The following GNA12 variants were observed in gnomAD, a reference collection of about 807,000 sequenced individuals.
The protein encoded by GNA12 is guanine nucleotide-binding protein subunit alpha-12.
In GNA12, 9 loss-of-function variants were observed where a neutral mutation model predicts 26.0. The ratio of observed to expected loss-of-function variants is 0.35; its 90% CI spans 0.21 to 0.60. GNA12 has a LOEUF of 0.60. Ranked by LOEUF, GNA12 falls within the 20% of genes least tolerant of loss-of-function variation. GNA12 has a pLI of 0.78. For missense variants in GNA12, 405 were observed against 525.8 expected, an observed-to-expected ratio of 0.77 and a Z score of 2.25; for synonymous variants, 264 against 219.6, an observed-to-expected ratio of 1.20 and a Z score of -1.79.
chr7:2,786,331 A>G (rs1013624887), intron 2 of GNA12, among the ~76,000 whole-genome samples: 6 of 152,216 alleles, frequency 3.9e-5, no homozygotes, highest in African/African-American at 1.4e-4. Flanking sequence ...TGAAAAAAAG[A>G]AAAGGGAGTT....
chr7:2,806,357 G>A (rs1249662306), intron 1 of GNA12, among the ~76,000 whole-genome samples: 1 of 150,910 alleles, frequency 6.6e-6, no homozygotes, highest in Non-Finnish European at 1.5e-5. Flanking sequence ...CATGGTGGCA[G>A]GTGCCTGTAA....
intron 1 of GNA12, among the ~76,000 whole-genome samples, chr7:2,833,295 C>T (rs1778736400): frequency 6.6e-6 from 1 of 152,210 alleles, no homozygotes; most frequent in South Asian, 2.1e-4. Context: ...GAACATCACC[C>T]TATAATTACA....
intron 1 of GNA12, among the ~76,000 whole-genome samples, chr7:2,829,411 C>T (rs1032336190): frequency 9.9e-5 from 15 of 152,188 alleles, no homozygotes; most frequent in Admixed American, 7.9e-4. Context: ...GCCATGGGGA[C>T]GCTGACAGTG....
At chr7:2,745,989 A>G (rs185669715) in intron 2 of GNA12, among the ~76,000 whole-genome samples, 9 of 152,350 alleles carry the variant, frequency 5.9e-5, no homozygotes, top group Non-Finnish European at 1.2e-4. Context: ...ATATATATGC[A>G]AACAATACAG....
intron 2 of GNA12, among the ~76,000 whole-genome samples, chr7:2,733,939 A>G (rs1790030697): frequency 6.6e-6 from 1 of 152,254 alleles, no homozygotes; most frequent in Non-Finnish European, 1.5e-5. Context: ...ATTGTCCTTA[A>G]AGACAAAACA....
At chr7:2,814,745 G>A (rs974864898) in intron 1 of GNA12, 33 of 796,590 alleles carry the variant, frequency 4.1e-5, no homozygotes, top group Non-Finnish European at 6.4e-5. Flanking sequence ...GCCTTCCACA[G>A]AAGTTTATCA....
At chr7:2,744,091 G>A (rs1790646227) in intron 2 of GNA12, among the ~76,000 whole-genome samples, 2 of 152,220 alleles carry the variant, frequency 1.3e-5, no homozygotes, top group Admixed American at 1.3e-4. Flanking sequence ...CCCCCTCTGG[G>A]GGCAGGGCAC....
intron 2 of GNA12, among the ~76,000 whole-genome samples, chr7:2,759,289 C>G (rs189533675): frequency 3.4e-4 from 52 of 152,242 alleles, no homozygotes; most frequent in African/African-American, 1.3e-3. Flanking sequence ...AGTTAAAACA[C>G]AGGCAAAAGG....
chr7:2,782,920 A>G (rs1159528146), intron 2 of GNA12, among the ~76,000 whole-genome samples: 1 of 152,066 alleles, frequency 6.6e-6, no homozygotes, highest in Non-Finnish European at 1.5e-5. Context: ...TAACATAGCC[A>G]TTGAGTTTTT....
At chr7:2,764,492 C>G (rs1029111981) in intron 2 of GNA12, 1 of 152,152 alleles carries the variant, frequency 6.6e-6, no homozygotes, top group African/African-American at 2.4e-5. Flanking sequence ...CTGAGACGCC[C>G]CAGTTGCCCA....
In GNA12 at chr7:2,731,587, G is replaced by C; in HGVS notation, c.740C>G (p.Ser247Cys). ...GCTGGAGGAGACCATGAACAGGATGGACGTGATCCCGTCGAAGCACTGGAA... is the reference window on the plus strand; with the variant it reads ...GCTGGAGGAGACCATGAACAGGATGCACGTGATCCCGTCGAAGCACTGGAA... ...KWFQCFDGIT[S>C]ILFMVSSSEY... is the part of the protein sequence containing the mutation. The change falls in exon 4 of 4, where the codon TCC (serine) becomes TGC (cysteine). Residue 247 changes from serine to cysteine, a missense_variant. Ser to Cys is a moderately radical substitution (Grantham distance 112). Transcript: ENST00000275364. The surrounding 1 kb of genome is among the most constrained non-coding windows in gnomAD (Gnocchi z 6.0). 2 of 1,613,756 alleles carry C rather than the reference G, an allele frequency of 1.2e-6. No individual in the cohort carries two copies. Among genetic ancestry groups the C allele is most frequent in the Non-Finnish European group, 1.7e-6 (2 of 1,179,826 alleles).
At chr7:2,798,014 C>CA (rs1156581320) in intron 1 of GNA12, among the ~76,000 whole-genome samples, 4 of 152,060 alleles carry the variant, frequency 2.6e-5, no homozygotes, top group Admixed American at 6.6e-5. Flanking sequence ...AGAACACTGA[C>CA]AAAAAAACAT....
At chr7:2,737,695 C>T (rs1790278496) in intron 2 of GNA12, among the ~76,000 whole-genome samples, 1 of 152,096 alleles carries the variant, frequency 6.6e-6, no homozygotes, top group South Asian at 2.1e-4. Context: ...CTAGAGGATT[C>T]CAAAATCTAG....
intron 1 of GNA12, among the ~76,000 whole-genome samples, chr7:2,820,464 T>C (rs571597788): frequency 6.7e-6 from 1 of 149,496 alleles, no homozygotes; most frequent in East Asian, 2.0e-4. Flanking sequence ...ATCCCAGCAC[T>C]TTGGGAGGCT....
At chr7:2,780,627 G>A (rs1232666952) in intron 2 of GNA12, among the ~76,000 whole-genome samples, 4 of 152,008 alleles carry the variant, frequency 2.6e-5, no homozygotes, top group Non-Finnish European at 5.9e-5. Flanking sequence ...CTATATATGT[G>A]CTTATGTATG....
chr7:2,818,631 C>T (rs965103884), intron 1 of GNA12, among the ~76,000 whole-genome samples: 1 of 152,134 alleles, frequency 6.6e-6, no homozygotes, highest in African/African-American at 2.4e-5. Flanking sequence ...GGCATGGTGG[C>T]GTAGCCCTGT....
chr7:2,782,136 C>G (rs1018204553), intron 2 of GNA12, among the ~76,000 whole-genome samples: 3 of 152,142 alleles, frequency 2.0e-5, no homozygotes, highest in African/African-American at 7.2e-5. Flanking sequence ...TACCTCAAAC[C>G]ATATACAAAA....
chr7:2,746,600 C>T (rs551187460), intron 2 of GNA12, among the ~76,000 whole-genome samples: 1 of 151,984 alleles, frequency 6.6e-6, no homozygotes, highest in Non-Finnish European at 1.5e-5. Flanking sequence ...AACATCACAA[C>T]TAAAAGAACT....
intron 1 of GNA12, among the ~76,000 whole-genome samples, chr7:2,808,532 G>T (rs933269039): frequency 6.6e-6 from 1 of 152,156 alleles, no homozygotes; most frequent in Non-Finnish European, 1.5e-5. Context: ...GACCTGGGCC[G>T]CACAGGAGGA....
Sources: allele counts gnomAD v4.1 joint callset (sites outside exome capture counted in the v4.1 genomes callset), GRCh38; gene constraint gnomAD v4.1.1; non-coding constraint Gnocchi (gnomAD v3.1); transcripts MANE v1.5; gene names NCBI Gene and HGNC (gene_info 2026-07-23, HGNC 2026-07-21).